Variants in CD44 observed in about 807,000 individuals in gnomAD.
CD44 encodes CD44 molecule (IN blood group).
In CD44, 49 loss-of-function variants were observed where a neutral mutation model predicts 88.8. The ratio of observed to expected loss-of-function variants is 0.55; its 90% CI spans 0.44 to 0.70. CD44 has a LOEUF of 0.70. Among genes scored for constraint, CD44 ranks in the 30% least tolerant of loss-of-function variants. CD44 has a pLI of 0.00. For synonymous variants in CD44, 325 were observed against 312.3 expected (o/e 1.04, Z -0.43); for missense variants, 883 against 913.8 (o/e 0.97, Z 0.43).
chr11:35,211,175 T>A (rs1948354380), intron 13 of CD44, 71 bp from the exon 14 acceptor site: 1 of 1,169,352 alleles, frequency 8.6e-7, no homozygotes, highest in African/African-American at 1.5e-5. Flanking sequence ...AATTGTGTGT[T>A]CTGGAGACAA....
intron 10 of CD44, chr11:35,205,692 C>G: frequency 1.7e-6 from 1 of 586,954 alleles, no homozygotes. Context: ...GATTCCTTTC[C>G]TGAGATCACT....
chr11:35,178,768 G>A (rs1944707843), intron 2 of CD44, among the ~76,000 whole-genome samples: 1 of 152,148 alleles, frequency 6.6e-6, no homozygotes, highest in African/African-American at 2.4e-5. Flanking sequence ...TGATGTGATG[G>A]GGGTGAGTTG....
In CD44 at chr11:35,204,562, C is replaced by G. The variant is rs1947641797; in HGVS notation, c.1204C>G (p.Gln402Glu). Residue 402 changes from glutamine (Q) to glutamate (E), a missense_variant, in exon 10 of 18, where the codon CAG (glutamine) becomes GAG (glutamate). This residue lies in a region of CD44 where 631 missense variants were observed against 590.9 expected (regional missense o/e 1.07). Transcript: ENST00000428726. Reference protein sequence around the residue: ...TTEETATQKEQWFGNRWHEGY... With the variant: ...TTEETATQKEEWFGNRWHEGY... ...GGAAGAAACAGCTACCCAGAAGGAA[C>G]AGTGGTTTGGCAACAGATGGCATGA... The G allele has an allele frequency of 6.2e-7, 1 of 1,613,386 alleles. No individual in the cohort carries two copies. The highest frequency in any genetic ancestry group is 1.3e-5 in the African/African-American group (1 of 75,004).
At position 35,214,659 on chromosome 11, in the gene CD44, T is replaced by A. The variant is rs935146691; in HGVS notation, c.1811-193T>A. 7.6e-6 allele frequency: 3 copies of A among 396,674 alleles called. No homozygotes were observed. In the Admixed American group the frequency reaches 1.3e-4, roughly 18 times the overall value. The allele number at this position is 396,674 out of a possible 1,614,324, so 24.6% of individuals were successfully genotyped here. A position where few individuals can be genotyped will look rare whatever the true frequency, so the allele number is the denominator to read the frequency against. On this transcript the variant is annotated intron_variant, in intron 14 of 17. Transcript: ENST00000428726. ...AATTCTTATTAAAGTTCTAGCTCAT[T>A]TATCAGTGGATTAAGCAATGAACGG...
Position 35,189,683 on chromosome 11 carries a change from T to C in CD44, c.437-152T>C, listed in dbSNP as rs1591154407. On this transcript the variant is annotated intron_variant, in intron 4 of 17. Coordinates refer to ENST00000428726, the MANE Select transcript of CD44 (RefSeq NM_000610.4). Reference sequence around the variant, plus strand: ...GTGTGGGGGATGGGAGGGTGCACTTTCTTAGTGCATCTGCCACTCTCTCCC... The same window carrying C: ...GTGTGGGGGATGGGAGGGTGCACTTCCTTAGTGCATCTGCCACTCTCTCCC... 1.1e-5 allele frequency: 7 copies of C among 641,774 alleles called. No individual in the cohort carries two copies. In the East Asian group the frequency reaches 1.4e-4, roughly 13 times the overall value. 39.8% of individuals were successfully genotyped at this position (641,774 alleles called of 1,614,324 possible).
chr11:35,143,154 G>T (rs1858348732), intron 1 of CD44, among the ~76,000 whole-genome samples: 1 of 151,830 alleles, frequency 6.6e-6, no homozygotes, highest in Non-Finnish European at 1.5e-5. Flanking sequence ...CAATAATAAT[G>T]ATATATATTT....
chr11:35,191,485 C>A (rs879396002), intron 5 of CD44, among the ~76,000 whole-genome samples: 32 of 152,152 alleles, frequency 2.1e-4, no homozygotes, highest in Non-Finnish European at 4.4e-4. Context: ...GAGGCTTCTG[C>A]AAACCAAGCG....
chr11:35,176,555 A>G lies in CD44; in HGVS notation c.68-20A>G. The G allele has an allele frequency of 6.3e-7, 1 of 1,598,996 alleles. No homozygotes were observed. Among genetic ancestry groups the G allele is most frequent in the Non-Finnish European group, 8.5e-7 (1 of 1,172,472 alleles). On this transcript the variant is annotated intron_variant, in intron 1 of 17. Coordinates refer to ENST00000428726, the MANE Select transcript of CD44 (RefSeq NM_000610.4). ...AATTATTTATGCAAAAGAATCTAAC[A>G]TTTCTATTTCTTCCCATAGATTTGA... is the stretch of plus-strand genomic sequence containing the variant.
At chr11:35,141,911 C>T (rs1858048922) in intron 1 of CD44, among the ~76,000 whole-genome samples, 1 of 152,146 alleles carries the variant, frequency 6.6e-6, no homozygotes, top group Non-Finnish European at 1.5e-5. Context: ...TTGCCCCATT[C>T]TGGGGAGTGG....
chr11:35,210,968 A>T (rs1167227842), intron 13 of CD44, among the ~76,000 whole-genome samples: 2 of 152,226 alleles, frequency 1.3e-5, no homozygotes. Context: ...TCACAGTTGT[A>T]GTGACATAGC....
intron 1 of CD44, among the ~76,000 whole-genome samples, chr11:35,165,987 G>T (rs1375212367): frequency 6.6e-6 from 1 of 152,092 alleles, no homozygotes; most frequent in Non-Finnish European, 1.5e-5. Flanking sequence ...GACATTAGCA[G>T]AAACTGTATA....
chr11:35,220,433 C>T (rs527664243), intron 16 of CD44, among the ~76,000 whole-genome samples: 1 of 152,126 alleles, frequency 6.6e-6, no homozygotes, highest in Non-Finnish European at 1.5e-5. Flanking sequence ...AAAGGTGAGG[C>T]AAAGGTAGTG....
chr11:35,191,771 C>T (rs1051940667), intron 5 of CD44, among the ~76,000 whole-genome samples: 15 of 152,170 alleles, frequency 9.9e-5, no homozygotes, highest in African/African-American at 3.4e-4. Context: ...TTTAAAAACA[C>T]ACATTTCATT....
At chr11:35,211,957 T>C (rs1565143363) in intron 14 of CD44, among the ~76,000 whole-genome samples, 1 of 152,204 alleles carries the variant, frequency 6.6e-6, no homozygotes, top group South Asian at 2.1e-4. Flanking sequence ...AGTTTTACTT[T>C]TGGTGATGGA....
At chr11:35,199,881 A>G (rs1159579636) in intron 7 of CD44, among the ~76,000 whole-genome samples, 1 of 145,794 alleles carries the variant, frequency 6.9e-6, no homozygotes, top group Non-Finnish European at 1.5e-5. Flanking sequence ...AAACAGATCT[A>G]CCTGTAAATG....
chr11:35,200,823 C>T (rs1272585798), intron 7 of CD44, among the ~76,000 whole-genome samples: 1 of 152,160 alleles, frequency 6.6e-6, no homozygotes, highest in Non-Finnish European at 1.5e-5. Context: ...GCTTCTTTGA[C>T]TGTTTTATCT....
At chr11:35,201,328 A>G (rs1591228727) in intron 8 of CD44, 133 bp downstream of exon 8, 1 of 692,876 alleles carries the variant, frequency 1.4e-6, no homozygotes, top group Non-Finnish European at 2.6e-6. Flanking sequence ...GACTTTTATG[A>G]GGATACTTAA....
intron 1 of CD44, among the ~76,000 whole-genome samples, chr11:35,155,767 G>A (rs907708338): frequency 6.6e-6 from 1 of 152,148 alleles, no homozygotes; most frequent in Non-Finnish European, 1.5e-5. Context: ...GAATTCCTAC[G>A]AACCTGAATG....
chr11:35,166,064 G>A (rs1456049257), intron 1 of CD44, among the ~76,000 whole-genome samples: 1 of 152,138 alleles, frequency 6.6e-6, no homozygotes, highest in African/African-American at 2.4e-5. Context: ...AAACCAAGTG[G>A]CCCAACCTTA....
Sources: allele counts gnomAD v4.1 joint callset (sites outside exome capture counted in the v4.1 genomes callset), GRCh38; gene constraint gnomAD v4.1.1; regional missense constraint gnomAD v4.1.1; transcripts MANE v1.5; gene names NCBI Gene and HGNC (gene_info 2026-07-23, HGNC 2026-07-21).